Variants in ANO7 observed in about 807,000 individuals in gnomAD.
The protein encoded by ANO7 is anoctamin 7.
A neutral mutation model predicts 115.8 loss-of-function variants in ANO7; 114 were observed. The ratio of observed to expected loss-of-function variants is 0.98; its 90% CI spans 0.85 to 1.15. The LOEUF (loss-of-function observed/expected upper bound fraction) is 1.15. ANO7 is among the 50% of genes most tolerant of loss of function. The pLI is 0.00. For synonymous variants in ANO7, 550 were observed against 498.2 expected (o/e 1.10, Z -1.38); for missense variants, 1,302 against 1,201.2 (o/e 1.08, Z -1.24).
At chr2:241,230,406 G>C (rs561399277), downstream of ANO7, 1 of 642,708 alleles carries the variant, frequency 1.6e-6, no homozygotes, top group African/African-American at 1.8e-5. This position sits in a 1 kb window ranked among gnomAD's most constrained non-coding sequence, Gnocchi z 5.0. Flanking sequence ...TCTGAAGTCA[G>C]TCAGCCTCAT....
At chr2:241,209,090 A>C (rs190867575) in intron 11 of ANO7, among the ~76,000 whole-genome samples, 195 bp from the exon 12 acceptor site, 1 of 152,240 alleles carries the variant, frequency 6.6e-6, no homozygotes, top group Non-Finnish European at 1.5e-5. Context: ...CGAAGCGTGC[A>C]GTGAGCCGAG....
intron 6 of ANO7, 115 bp from the exon 7 acceptor site, chr2:241,201,183 C>A: frequency 8.0e-7 from 1 of 1,255,942 alleles, no homozygotes; most frequent in Non-Finnish European, 1.1e-6. Flanking sequence ...GCGCCAGCAC[C>A]CGGGCCCCAA....
rs2068119757 is a variant in ANO7 at position 241,188,879 on chromosome 2, G to A, written c.-8+113G>A. The A allele has an allele frequency of 7.9e-6, 11 of 1,401,202 alleles. No homozygotes were observed. In the South Asian group the frequency reaches 1.5e-4, roughly 20 times the overall value. 86.8% of individuals were successfully genotyped at this position (1,401,202 alleles called of 1,614,324 possible). On this transcript the variant is annotated intron_variant, in intron 1 of 24. Coordinates refer to ENST00000674324, the MANE Select transcript of ANO7 (RefSeq NM_001370694.2). The surrounding 1 kb of genome is among the most constrained non-coding windows in gnomAD (Gnocchi z 4.3). ...GACTTTCACACACCCTGGCCTGTGGGGAGGCAGTGCCAGGGCCCGCCCTGG... is the reference window on the plus strand; with the variant it reads ...GACTTTCACACACCCTGGCCTGTGGAGAGGCAGTGCCAGGGCCCGCCCTGG...
At chr2:241,199,082 C>G (rs774394301) in intron 4 of ANO7, 2 of 522,910 alleles carry the variant, frequency 3.8e-6, no homozygotes, top group Non-Finnish European at 7.0e-6. Flanking sequence ...AGCATGCTGT[C>G]TGCAGCAAAT....
the ANO7 span, among the ~76,000 whole-genome samples, chr2:241,239,422 T>C: frequency 1.3e-5 from 2 of 151,812 alleles, no homozygotes; most frequent in Admixed American, 6.6e-5. This position sits in a 1 kb window ranked among gnomAD's most constrained non-coding sequence, Gnocchi z 4.6. Context: ...TCACCAACTA[T>C]CAGGAAGGAG....
At chr2:241,233,504 C>T in the ANO7 span, among the ~76,000 whole-genome samples, 2 of 152,074 alleles carry the variant, frequency 1.3e-5, no homozygotes, top group Admixed American at 1.3e-4. This position sits in a 1 kb window ranked among gnomAD's most constrained non-coding sequence, Gnocchi z 4.3. Flanking sequence ...CAGAGAGGCC[C>T]GGGTGACAGG....
At chr2:241,193,424 G>A (rs892839501) in intron 3 of ANO7, among the ~76,000 whole-genome samples, 1 of 151,798 alleles carries the variant, frequency 6.6e-6, no homozygotes, top group South Asian at 2.1e-4. Flanking sequence ...TCCTCCACAC[G>A]CCCCCTCTGT....
chr2:241,209,358 T>G lies in ANO7; in HGVS notation c.1151T>G (p.Leu384Arg). 1 of 1,580,918 alleles carries G rather than the reference T, an allele frequency of 6.3e-7. No homozygotes were observed. The highest frequency in any genetic ancestry group is 1.8e-5 in the Admixed American group (1 of 55,074). ...LFMALWAVLL[L>R]EYWKRKSATL... is the part of the protein sequence containing the mutation. ...ATGGCACTGTGGGCCGTGCTGCTGC[T>G]GGAGTACTGGAAGCGGAAGAGCGCC... Residue 384 changes from leucine (L) to arginine (R), a missense_variant, in exon 12 of 25, where the codon CTG becomes CGG. By Grantham distance (102) the Leu-to-Arg change is moderately radical. Coordinates refer to ENST00000674324, the MANE Select transcript of ANO7 (RefSeq NM_001370694.2).
intron 17 of ANO7, among the ~76,000 whole-genome samples, chr2:241,213,939 G>C (rs1048630223): frequency 2.0e-5 from 3 of 152,238 alleles, no homozygotes; most frequent in Non-Finnish European, 4.4e-5. Context: ...CCAGCCAGAG[G>C]GCTCTCAATT....
the ANO7 span, chr2:241,239,589 C>T: frequency 9.3e-6 from 15 of 1,611,906 alleles, no homozygotes; most frequent in African/African-American, 1.7e-4. This position sits in a 1 kb window ranked among gnomAD's most constrained non-coding sequence, Gnocchi z 4.6. Flanking sequence ...TCCCCGAGCA[C>T]CCAAGTGCCT....
chr2:241,232,419 G>C, the ANO7 span, among the ~76,000 whole-genome samples: 1 of 152,110 alleles, frequency 6.6e-6, no homozygotes, highest in East Asian at 1.9e-4. Context: ...GGGATTACAG[G>C]TGCACGCGAC....
At chr2:241,220,625 C>A (rs1318963899) in intron 21 of ANO7, among the ~76,000 whole-genome samples, 1 of 152,192 alleles carries the variant, frequency 6.6e-6, no homozygotes, top group Non-Finnish European at 1.5e-5. Flanking sequence ...CACCGTGAAA[C>A]CCCATCTCTA....
chr2:241,235,332 A>G, the ANO7 span: 5 of 1,594,268 alleles, frequency 3.1e-6, no homozygotes, highest in Non-Finnish European at 4.3e-6. Context: ...GGGACCCAGA[A>G]GTGGTGAGAG....
At position 241,214,855 on chromosome 2, in the gene ANO7, C is replaced by T; in HGVS notation, c.1779C>T (p.Ile593=). ...LIELAQELLV[I]MVGKQVINNM... ...AGCTGGCACAGGAGCTCCTGGTCATCATGGTGGGCAAGCAGGTCATCAACA... is the reference window on the plus strand; with the variant it reads ...AGCTGGCACAGGAGCTCCTGGTCATTATGGTGGGCAAGCAGGTCATCAACA... Residue 593 remains isoleucine (I), a synonymous_variant, in exon 18 of 25, where the codon ATC becomes ATT. Transcript: ENST00000674324. 6.2e-7 allele frequency: 1 copy of T among 1,612,920 alleles called. No individual in the cohort carries two copies. The highest frequency in any genetic ancestry group is 8.5e-7 in the Non-Finnish European group (1 of 1,179,946).
intron 10 of ANO7, among the ~76,000 whole-genome samples, chr2:241,207,244 G>A (rs1288698202): frequency 1.3e-5 from 2 of 151,838 alleles, no homozygotes; most frequent in South Asian, 4.2e-4. Context: ...GTGGACAGGA[G>A]TGTTCCAAGG....
chr2:241,217,368 G>A (rs2068855658), intron 19 of ANO7, among the ~76,000 whole-genome samples: 1 of 152,252 alleles, frequency 6.6e-6, no homozygotes, highest in South Asian at 2.1e-4. Flanking sequence ...GGTGACTGGA[G>A]AAGCTGGTTG....
chr2:241,216,425 G>A (rs1318462700), intron 19 of ANO7, among the ~76,000 whole-genome samples, 187 bp downstream of exon 19: 2 of 152,252 alleles, frequency 1.3e-5, no homozygotes, highest in Non-Finnish European at 2.9e-5. Context: ...TTTCCCCTGA[G>A]AGTGCCCAAG....
Position 241,188,830 on chromosome 2 carries a change from C to T in ANO7, c.-8+64C>T, listed in dbSNP as rs2068118505. On this transcript the variant is annotated intron_variant, in intron 1 of 24. Coordinates refer to ENST00000674324, the MANE Select transcript of ANO7 (RefSeq NM_001370694.2). This position sits in a 1 kb window ranked among gnomAD's most constrained non-coding sequence, Gnocchi z 4.3. ...GGTGGAGCGTTGGACTCTAGGGAGG[C>T]AGGGCGGCACCCCAGCCCACCGGGA... 6.4e-6 allele frequency: 10 copies of T among 1,559,894 alleles called. No homozygotes were observed. Among genetic ancestry groups the T allele is most frequent in the Non-Finnish European group, 7.0e-6 (8 of 1,150,004 alleles).
intron 15 of ANO7, among the ~76,000 whole-genome samples, chr2:241,211,077 C>T (rs1434426925): frequency 1.3e-5 from 2 of 152,188 alleles, no homozygotes; most frequent in Non-Finnish European, 1.5e-5. Flanking sequence ...TTGGAGTTGT[C>T]TGAGCCTCCC....
Sources: gnomAD v4.1 joint callset for allele counts (sites outside exome capture counted in the v4.1 genomes callset) on GRCh38, gnomAD v4.1.1 for gene constraint, Gnocchi (gnomAD v3.1) non-coding constraint, MANE v1.5 for transcripts, NCBI Gene and HGNC (gene_info 2026-07-23, HGNC 2026-07-21) for gene names.